The following FAM117A variants were observed in gnomAD, a reference collection of about 807,000 sequenced individuals.
FAM117A encodes the protein family with sequence similarity 117 member A.
In FAM117A, 21 loss-of-function variants were observed where a neutral mutation model predicts 44.1. The observed-to-expected ratio is 0.48, with a 90% CI of 0.34 to 0.69. The LOEUF (loss-of-function observed/expected upper bound fraction) is 0.69, where lower values mean the gene tolerates loss of function less well. Ranked by LOEUF, FAM117A falls within the 30% of genes least tolerant of loss-of-function variation. FAM117A has a pLI of 0.01. For missense variants in FAM117A, 498 were observed against 589.9 expected (o/e 0.84, Z 1.61); for synonymous variants, 220 against 238.3 (o/e 0.92, Z 0.71).
intron 1 of FAM117A, among the ~76,000 whole-genome samples, chr17:49,750,718 G>A (rs2073673084): frequency 6.6e-6 from 1 of 152,166 alleles, no homozygotes; most frequent in African/African-American, 2.4e-5. Context: ...AGAGGTTTCA[G>A]TGAGCCAAGA....
chr17:49,768,292 T>A (rs1385980989), upstream of FAM117A, among the ~76,000 whole-genome samples: 2 of 152,112 alleles, frequency 1.3e-5, no homozygotes, highest in African/African-American at 4.8e-5. Flanking sequence ...TGGGCCTACA[T>A]CCAGGGCACC....
chr17:49,749,575 C>CA (rs1167215497), intron 1 of FAM117A, among the ~76,000 whole-genome samples: 6,033 of 43,498 alleles, frequency 0.14, 588 homozygotes, highest in African/African-American at 0.23. Flanking sequence ...GACTCCGTCT[C>CA]AAAAAAAAAA....
chr17:49,727,660 T>C (rs942486369), intron 2 of FAM117A, among the ~76,000 whole-genome samples: 1 of 152,070 alleles, frequency 6.6e-6, no homozygotes, highest in African/African-American at 2.4e-5. Context: ...TGGAGGACAG[T>C]TTCTCAAAGA....
At chr17:49,748,484 G>A (rs896645676) in intron 1 of FAM117A, among the ~76,000 whole-genome samples, 5 of 152,314 alleles carry the variant, frequency 3.3e-5, no homozygotes, top group African/African-American at 1.2e-4. Context: ...GAAAGAGCCT[G>A]AGGAATCAAG....
Position 49,776,558 on chromosome 17 carries a change from G to A in FAM117A, c.-621+11939C>T, listed in dbSNP as rs564585988. 3.4e-4 allele frequency among the ~76,000 whole-genome samples: 51 copies of A among 152,182 alleles called. 1 individual carries two copies. Among genetic ancestry groups the A allele is most frequent in the Non-Finnish European group, 6.0e-4 (41 of 68,034 alleles). On this transcript the variant is annotated intron_variant, in intron 1 of 7. Coordinates refer to the FAM117A transcript ENST00000513602. ...CCTGGTATAGGAGTTGAACTATTCT[G>A]CGAAAGGATTATTATTTACTATTAT...
chr17:49,740,394 C>A (rs1350400178), intron 1 of FAM117A, among the ~76,000 whole-genome samples: 1 of 152,066 alleles, frequency 6.6e-6, no homozygotes, highest in Non-Finnish European at 1.5e-5. Flanking sequence ...GGACTACAGG[C>A]GCCCACCACC....
chr17:49,750,541 A>C (rs1178115819), intron 1 of FAM117A, among the ~76,000 whole-genome samples: 1 of 151,586 alleles, frequency 6.6e-6, no homozygotes, highest in African/African-American at 2.4e-5. Flanking sequence ...TTGGGAGGCC[A>C]AGGCAGGCAG....
rs760986356 is a variant in FAM117A at position 49,719,770 on chromosome 17, T to A, written c.698A>T (p.Glu233Val). The change falls in exon 5 of 8, where the codon GAG (glutamate) becomes GTG (valine). Residue 233 changes from glutamate (E) to valine (V), a missense_variant. By Grantham distance (121) the Glu-to-Val change is moderately radical (BLOSUM62 -2). This residue lies in a region of FAM117A where 224 missense variants were observed against 296.5 expected (regional missense o/e 0.76). Coordinates refer to ENST00000240364, the MANE Select transcript of FAM117A (RefSeq NM_030802.4). ...EVFVKEQGEE[E>V]LLRILDIPDG... ...GCAGCCGCCACTCACCCTCAGCAGC[T>A]CCTCTTCTCCCTGCTCCTTCACAAA... 1 of 1,584,126 alleles carries A rather than the reference T, an allele frequency of 6.3e-7. No homozygotes were observed. The highest frequency in any genetic ancestry group is 8.6e-7 in the Non-Finnish European group (1 of 1,167,796).
chr17:49,775,511 C>A (rs1330088240), intron 1 of FAM117A, among the ~76,000 whole-genome samples: 1 of 152,210 alleles, frequency 6.6e-6, no homozygotes, highest in Non-Finnish European at 1.5e-5. Flanking sequence ...CACTTAGTAA[C>A]TTAGTGGCTC....
chr17:49,780,442 G>A (rs1001974572), intron 1 of FAM117A, among the ~76,000 whole-genome samples: 2 of 152,160 alleles, frequency 1.3e-5, no homozygotes, highest in African/African-American at 4.8e-5. Context: ...GGGCAGTGGC[G>A]TGATCTTGGC....
At chr17:49,735,396 A>C (rs540564188) in intron 1 of FAM117A, among the ~76,000 whole-genome samples, 1 of 152,154 alleles carries the variant, frequency 6.6e-6, no homozygotes, top group South Asian at 2.1e-4. Flanking sequence ...TCTCAAAAAA[A>C]AAAAGACACT....
At chr17:49,737,518 A>G (rs770159272) in intron 1 of FAM117A, among the ~76,000 whole-genome samples, 16 of 152,184 alleles carry the variant, frequency 1.1e-4, no homozygotes, top group South Asian at 2.1e-4. Flanking sequence ...TTTCGAAGGA[A>G]AAGGAGTAGG....
In FAM117A at chr17:49,716,291, A is replaced by G; in HGVS notation, c.935T>C (p.Phe312Ser). 6.2e-7 allele frequency: 1 copy of G among 1,603,148 alleles called. No homozygotes were observed. Among genetic ancestry groups the G allele is most frequent in the Admixed American group, 1.7e-5 (1 of 59,154 alleles). Reference protein sequence around the residue: ...DKASSPGHPAFLEDGSPSPVL... With the variant: ...DKASSPGHPASLEDGSPSPVL... Reference sequence around the variant, plus strand: ...TGGAGATGGGCTGCCATCTTCAAGAAAGGCTGGGTGTCCTGGAGAGGAGGC... The same window carrying G: ...TGGAGATGGGCTGCCATCTTCAAGAGAGGCTGGGTGTCCTGGAGAGGAGGC... Residue 312 changes from phenylalanine (F) to serine (S), a missense_variant, in exon 7 of 8, where the codon TTT becomes TCT. Phe to Ser is a radical substitution (Grantham distance 155, BLOSUM62 -2). Coordinates refer to ENST00000240364, the MANE Select transcript of FAM117A (RefSeq NM_030802.4).
At chr17:49,724,440 A>G (rs773570051) in intron 2 of FAM117A, 2 of 456,322 alleles carry the variant, frequency 4.4e-6, no homozygotes, top group Non-Finnish European at 8.8e-6. Context: ...TCAGGCCGCC[A>G]CGGGTACTAC....
At chr17:49,758,398 G>A (rs1421748964) in intron 1 of FAM117A, among the ~76,000 whole-genome samples, 2 of 150,878 alleles carry the variant, frequency 1.3e-5, no homozygotes, top group Admixed American at 6.6e-5. Context: ...GGCTGAGGCG[G>A]GTGGATCACA....
intron 1 of FAM117A, among the ~76,000 whole-genome samples, chr17:49,772,349 T>A (rs1018883750): frequency 7.2e-5 from 11 of 151,842 alleles, no homozygotes; most frequent in African/African-American, 2.7e-4. Context: ...GGCTCATGCC[T>A]GTAATCCTAG....
intron 1 of FAM117A, among the ~76,000 whole-genome samples, chr17:49,752,775 C>A (rs1397972547): frequency 6.6e-6 from 1 of 152,178 alleles, no homozygotes; most frequent in African/African-American, 2.4e-5. Context: ...CATCTTCCAA[C>A]TACTCACACC....
intron 2 of FAM117A, among the ~76,000 whole-genome samples, chr17:49,725,722 A>G (rs993748783): frequency 6.6e-6 from 1 of 152,172 alleles, no homozygotes; most frequent in African/African-American, 2.4e-5. Context: ...GTGACAGGTT[A>G]AAAAACAGCT....
At chr17:49,755,580 A>G (rs1485448993) in intron 1 of FAM117A, among the ~76,000 whole-genome samples, 1 of 152,230 alleles carries the variant, frequency 6.6e-6, no homozygotes, top group Non-Finnish European at 1.5e-5. Context: ...CCCTCTAGCT[A>G]TAAGTGTGTT....
Sources: allele counts gnomAD v4.1 joint callset (sites outside exome capture counted in the v4.1 genomes callset), GRCh38; gene constraint gnomAD v4.1.1; regional missense constraint gnomAD v4.1.1; transcripts MANE v1.5; gene names NCBI Gene and HGNC (gene_info 2026-07-23, HGNC 2026-07-21).